EEF1E1: variants seen among roughly 807,000 people sequenced by gnomAD.
EEF1E1 encodes eukaryotic translation elongation factor 1 epsilon-1.
A neutral mutation model predicts 19.9 loss-of-function variants in EEF1E1; 19 were observed. That is an observed-to-expected ratio of 0.95 (90% confidence interval 0.66 to 1.40). The LOEUF is 1.40. Among genes scored for constraint, EEF1E1 ranks in the 40% most tolerant of loss-of-function variants. The pLI, the probability that EEF1E1 is intolerant of heterozygous loss-of-function variation, is 0.00. For missense variants in EEF1E1, 198 were observed against 202.2 expected (o/e 0.98, Z 0.13); for synonymous variants, 81 against 80.0 (o/e 1.01, Z -0.07).
At position 8,090,285 on chromosome 6, in the gene EEF1E1, GA is replaced by G; in HGVS notation, c.289-5del. 6.9e-7 allele frequency: 1 copy of G among 1,450,574 alleles called. No individual in the cohort carries two copies. Among genetic ancestry groups the G allele is most frequent in the Non-Finnish European group, 9.1e-7 (1 of 1,101,578 alleles). The allele number at this position is 1,450,574 out of a possible 1,614,324, so 89.9% of individuals were successfully genotyped here. A position where few individuals can be genotyped will look rare whatever the true frequency, so the allele number is the denominator to read the frequency against. Reference sequence around the variant, plus strand: ...CTTCAAGATATGAATTAAGATCCTAGAAAAAAGAAAAAACAAATAAATATTA... The same window carrying G: ...CTTCAAGATATGAATTAAGATCCTAGAAAAAGAAAAAACAAATAAATATTA... On this transcript the variant is annotated splice_region_variant and splice_polypyrimidine_tract_variant and intron_variant, in intron 2 of 3. Transcript: ENST00000379715.
intron 3 of EEF1E1, among the ~76,000 whole-genome samples, chr6:8,088,094 C>CTGA (rs66508035): frequency 0.49 from 73,611 of 151,620 alleles, 18,022 homozygotes; most frequent in African/African-American, 0.53. Flanking sequence ...TAAAATGGGG[C>CTGA]TATTATTAGT....
downstream of EEF1E1, chr6:8,078,783 C>T (rs1266941461): frequency 7.9e-7 from 1 of 1,262,220 alleles, no homozygotes; most frequent in Admixed American, 2.7e-5. Flanking sequence ...TTGCCAAGAG[C>T]TACATACTAG....
chr6:8,097,348 T>TGCTTTTCTTC lies in EEF1E1; in HGVS notation c.206_207insGAAGAAAAGC (p.Ile70LysfsTer22). 1.9e-6 allele frequency: 3 copies of TGCTTTTCTTC among 1,614,220 alleles called. No homozygotes were observed. Among genetic ancestry groups the TGCTTTTCTTC allele is most frequent in the Non-Finnish European group, 2.5e-6 (3 of 1,180,040 alleles). Reference sequence around the variant, plus strand: ...TGTATTCTAACCACTGCTGAACGATTGCTTTTTCTTCTGCAGTACTCCCCA... The same window carrying TGCTTTTCTTC: ...TGTATTCTAACCACTGCTGAACGATTGCTTTTCTTCGCTTTTTCTTCTGCAGTACTCCCCA... On this transcript the variant is annotated frameshift_variant, in exon 2 of 4. Transcript: ENST00000379715. LOFTEE classifies it high-confidence loss of function.
intron 1 of EEF1E1, among the ~76,000 whole-genome samples, chr6:8,100,604 T>C (rs763619103): frequency 5.9e-5 from 9 of 152,234 alleles, no homozygotes; most frequent in East Asian, 1.9e-4. Flanking sequence ...CTTGGTGTTA[T>C]CAGTACTGCA....
downstream of EEF1E1, among the ~76,000 whole-genome samples, chr6:8,075,810 A>C (rs1162228977): frequency 6.6e-6 from 1 of 152,182 alleles, no homozygotes; most frequent in East Asian, 1.9e-4. Flanking sequence ...CCAAAGTAGA[A>C]CTTCTTTCAA....
intron 3 of EEF1E1, 61 bp downstream of exon 3, chr6:8,090,125 A>C: frequency 7.3e-7 from 1 of 1,362,538 alleles, no homozygotes; most frequent in Non-Finnish European, 9.9e-7. Context: ...ATTCAAGACA[A>C]AGTTTTAAAA....
intron 1 of EEF1E1, among the ~76,000 whole-genome samples, chr6:8,101,243 A>AAAAAAAAT (rs1271033598): frequency 3.6e-4 from 21 of 58,472 alleles, no homozygotes; most frequent in Admixed American, 1.0e-3. Flanking sequence ...AAAAAAAAAA[A>AAAAAAAAT]ATATATATAT....
chr6:8,085,058 A>G (rs74602791), intron 3 of EEF1E1, among the ~76,000 whole-genome samples: 1,602 of 152,354 alleles, frequency 0.011, 34 homozygotes, highest in African/African-American at 0.036. Flanking sequence ...CTTTCTCCAC[A>G]TTTAAATAAC....
chr6:8,089,367 TTAAG>T (rs766440851), intron 3 of EEF1E1, among the ~76,000 whole-genome samples: 4 of 152,100 alleles, frequency 2.6e-5, no homozygotes, highest in South Asian at 2.1e-4. Flanking sequence ...GGGGAGTTTA[TTAAG>T]TATTAACTCA....
At chr6:8,100,681 T>C (rs1446060166) in intron 1 of EEF1E1, among the ~76,000 whole-genome samples, 1 of 152,038 alleles carries the variant, frequency 6.6e-6, no homozygotes. Flanking sequence ...TTTGTTTCCT[T>C]GCAGTTAGCT....
At position 8,102,537 on chromosome 6, in the gene EEF1E1, C is replaced by G. The variant is rs1392037519; in HGVS notation, c.-16G>C. On this transcript the variant is annotated 5_prime_UTR_variant, in exon 1 of 4. Transcript: ENST00000379715. ...CCGCCGCCATCTTCCGGCCGTAGCT[C>G]CTGGCAGACGCGAGACCTGCAGAAC... 1.2e-6 allele frequency: 2 copies of G among 1,608,336 alleles called. No homozygotes were observed. The highest frequency in any genetic ancestry group is 2.2e-5 in the South Asian group (2 of 91,054).
At chr6:8,076,996 G>T (rs1232213599), downstream of EEF1E1, among the ~76,000 whole-genome samples, 35 of 53,724 alleles carry the variant, frequency 6.5e-4, no homozygotes, top group East Asian at 3.0e-3. Flanking sequence ...AGGCTGGAGT[G>T]CAGTGGCAGC....
chr6:8,093,656 G>GT lies in EEF1E1; in HGVS notation c.289-3376dup, dbSNP rs200832289. On this transcript the variant is annotated intron_variant, in intron 2 of 3. Coordinates refer to ENST00000379715, the MANE Select transcript of EEF1E1 (RefSeq NM_004280.5). ...CTTTCATAATATCCTAAAAGGAAGA[G>GT]TTTTAAAAATAAATAATAAAAACCT... 9.4e-3 allele frequency among the ~76,000 whole-genome samples: 1,435 copies of GT among 151,860 alleles called. 21 individuals carry two copies. Among genetic ancestry groups the GT allele is most frequent in the African/African-American group, 0.033 (1,347 of 41,438 alleles).
chr6:8,074,759 T>A (rs908672756), downstream of EEF1E1, among the ~76,000 whole-genome samples: 1 of 152,230 alleles, frequency 6.6e-6, no homozygotes, highest in African/African-American at 2.4e-5. Context: ...CAGGTCTTCA[T>A]CTTTCGACCA....
chr6:8,084,579 C>A (rs1757799443), intron 3 of EEF1E1, among the ~76,000 whole-genome samples: 1 of 152,204 alleles, frequency 6.6e-6, no homozygotes, highest in South Asian at 2.1e-4. Flanking sequence ...CCCGATGCTA[C>A]AGCAAGCAAG....
intron 2 of EEF1E1, chr6:8,095,328 C>T (rs1482932735): frequency 5.0e-6 from 2 of 399,480 alleles, no homozygotes; most frequent in South Asian, 1.7e-5. Flanking sequence ...TGATGAAACC[C>T]TATCTCTACT....
intron 1 of EEF1E1, among the ~76,000 whole-genome samples, chr6:8,098,788 A>G (rs1008461809): frequency 2.0e-5 from 3 of 152,184 alleles, no homozygotes; most frequent in Non-Finnish European, 4.4e-5. Context: ...GTGTGTACTG[A>G]ATGTATGGTA....
intron 3 of EEF1E1, 52 bp downstream of exon 3, chr6:8,090,134 A>G: frequency 7.1e-7 from 1 of 1,412,092 alleles, no homozygotes; most frequent in South Asian, 1.4e-5. Context: ...AAAGTTTTAA[A>G]AATCATTCTC....
downstream of EEF1E1, among the ~76,000 whole-genome samples, chr6:8,075,187 A>C (rs368850309): frequency 5.3e-5 from 8 of 152,320 alleles, no homozygotes; most frequent in South Asian, 1.5e-3. Flanking sequence ...AGGTACACAG[A>C]CTTGACCTAC....
Sources: allele counts gnomAD v4.1 joint callset (sites outside exome capture counted in the v4.1 genomes callset), GRCh38; gene constraint gnomAD v4.1.1; transcripts MANE v1.5; gene names NCBI Gene and HGNC (gene_info 2026-07-23, HGNC 2026-07-21).